The following AIPL1 variants were observed in gnomAD, a reference collection of about 807,000 sequenced individuals.
The protein encoded by AIPL1 is aryl-hydrocarbon-interacting protein-like 1.
AIPL1 carries 23 observed loss-of-function variants against 32.9 expected under a neutral mutation model. That is an observed-to-expected ratio of 0.70 (90% confidence interval 0.50 to 0.99). The LOEUF (loss-of-function observed/expected upper bound fraction) is 0.99, where lower values mean the gene tolerates loss of function less well. AIPL1 is among the 50% of genes least tolerant of loss of function. The pLI is 0.00. For missense variants in AIPL1, 485 were observed against 506.0 expected, an observed-to-expected ratio of 0.96 and a Z score of 0.40; for synonymous variants, 210 against 209.4, an observed-to-expected ratio of 1.00 and a Z score of -0.02.
intron 2 of AIPL1, among the ~76,000 whole-genome samples, chr17:6,430,047 GTGTGT>G (rs1912424665): frequency 0.026 from 297 of 11,328 alleles, no homozygotes; most frequent in Admixed American, 0.066. Flanking sequence ...TAGAAGGGGT[GTGTGT>G]GTGTGTGTGT....
intron 5 of AIPL1, chr17:6,426,279 G>A (rs1172141480): frequency 3.8e-6 from 5 of 1,317,858 alleles, no homozygotes; most frequent in Non-Finnish European, 4.9e-6. Context: ...CCATATCCTC[G>A]CAACACCAGT....
intron 3 of AIPL1, among the ~76,000 whole-genome samples, chr17:6,428,011 G>A (rs1327322174): frequency 1.3e-5 from 2 of 152,046 alleles, no homozygotes; most frequent in Admixed American, 1.3e-4. Context: ...ATAGAGACGG[G>A]GTTTTACCAT....
intron 3 of AIPL1, among the ~76,000 whole-genome samples, chr17:6,427,980 CG>C (rs1348542294): frequency 1.3e-5 from 2 of 152,002 alleles, no homozygotes; most frequent in Non-Finnish European, 2.9e-5. Flanking sequence ...CCACCACACC[CG>C]GTTAATTTTT....
chr17:6,429,406 G>C (rs574886838), intron 2 of AIPL1, among the ~76,000 whole-genome samples: 1 of 152,178 alleles, frequency 6.6e-6, no homozygotes, highest in Non-Finnish European at 1.5e-5. Context: ...CACCCTGCCC[G>C]CCCCACCGGC....
At chr17:6,430,456 CAAAAAAAA>C (rs1169701817) in intron 2 of AIPL1, among the ~76,000 whole-genome samples, 1 of 44,514 alleles carries the variant, frequency 2.2e-5, no homozygotes, top group Non-Finnish European at 4.0e-5. Flanking sequence ...AAGTCCGTCT[CAAAAAAAA>C]AAAAAAAAAA....
chr17:6,426,862 C>T lies in AIPL1; in HGVS notation c.642+19G>A, dbSNP rs973387886. ...CCAGAGTCAGCGCCACTTCCCACCC[C>T]TGGCCAGCGGCCTCTGACCTTGGTC... On this transcript the variant is annotated intron_variant, in intron 4 of 5. Coordinates refer to ENST00000381129, the MANE Select transcript of AIPL1 (RefSeq NM_014336.5). 1.1e-5 allele frequency: 18 copies of T among 1,613,850 alleles called. No individual in the cohort carries two copies. Among genetic ancestry groups the T allele is most frequent in the Non-Finnish European group, 1.4e-5 (17 of 1,180,034 alleles).
chr17:6,429,405 C>G (rs755708656), intron 2 of AIPL1, among the ~76,000 whole-genome samples: 30 of 152,306 alleles, frequency 2.0e-4, no homozygotes, highest in Non-Finnish European at 4.3e-4. Flanking sequence ...TCACCCTGCC[C>G]GCCCCACCGG....
chr17:6,433,860 C>A, intron 2 of AIPL1, 59 bp downstream of exon 2: 2 of 1,586,554 alleles, frequency 1.3e-6, no homozygotes, highest in East Asian at 2.3e-5. Context: ...CCCCGCAAAG[C>A]GGGTGGGTGA....
chr17:6,432,704 C>G, intron 2 of AIPL1, among the ~76,000 whole-genome samples: 1 of 151,482 alleles, frequency 6.6e-6, no homozygotes, highest in Non-Finnish European at 1.5e-5. Context: ...GATCTTAGCT[C>G]ACTGCAACCT....
intron 5 of AIPL1, chr17:6,426,182 G>A (rs1911930291): frequency 7.8e-6 from 10 of 1,280,858 alleles, no homozygotes; most frequent in Non-Finnish European, 9.9e-6. Context: ...AAACGCAGAC[G>A]ACGTGTGCCT....
At chr17:6,433,319 G>A (rs370541078) in intron 2 of AIPL1, among the ~76,000 whole-genome samples, 10 of 152,256 alleles carry the variant, frequency 6.6e-5, no homozygotes, top group East Asian at 3.9e-4. Context: ...GGACTTAGCC[G>A]GGCAAGATGG....
chr17:6,433,699 T>C (rs1912856581), intron 2 of AIPL1, among the ~76,000 whole-genome samples: 1 of 151,170 alleles, frequency 6.6e-6, no homozygotes, highest in South Asian at 2.1e-4. Flanking sequence ...CTGCTGGTCA[T>C]AGCCCTGCTC....
At chr17:6,432,680 G>A (rs565916796) in intron 2 of AIPL1, among the ~76,000 whole-genome samples, 1 of 151,448 alleles carries the variant, frequency 6.6e-6, no homozygotes, top group East Asian at 1.9e-4. Context: ...CGCCAGACTG[G>A]AGTTCAGTGG....
chr17:6,426,376 C>T (rs1358063107), intron 5 of AIPL1: 2 of 1,422,552 alleles, frequency 1.4e-6, no homozygotes. Flanking sequence ...AAATCACAAG[C>T]TTGGCGAGCT....
intron 2 of AIPL1, among the ~76,000 whole-genome samples, chr17:6,430,378 C>T (rs1029072003): frequency 6.9e-6 from 1 of 145,604 alleles, no homozygotes; most frequent in Non-Finnish European, 1.5e-5. Context: ...ATCGCTTGAA[C>T]CCGGGAGGCA....
In AIPL1 at chr17:6,433,854, G is replaced by A. The variant is rs975205884; in HGVS notation, c.276+65C>T. ...AGCTTTCCCGAAACACAGCAGCCCC[G>A]CAAAGCGGGTGGGTGAGCCCAGAAA... On this transcript the variant is annotated intron_variant, in intron 2 of 5. Transcript: ENST00000381129. The A allele has an allele frequency of 1.0e-5, 16 of 1,564,186 alleles. 1 individual carries two copies. Among genetic ancestry groups the A allele is most frequent in the Admixed American group, 7.3e-5 (4 of 54,866 alleles).
In AIPL1 at chr17:6,428,497, C is replaced by A. The variant is rs62619924; in HGVS notation, c.286G>T (p.Val96Phe). Residue 96 changes from valine (V) to phenylalanine (F), a missense_variant, in exon 3 of 6, where the codon GTC (valine) becomes TTC (phenylalanine). Coordinates refer to ENST00000381129, the MANE Select transcript of AIPL1 (RefSeq NM_014336.5). ...EFWCDTIHTG[V>F]YPILSRSLRQ... is the part of the protein sequence containing the mutation. ...AGGCTCCGGGATAGGATGGGGTAGA[C>A]CCCCGTGTGCTGTGGGGATAAACGG... The A allele has an allele frequency of 6.2e-7, 1 of 1,613,448 alleles. No homozygotes were observed. The highest frequency in any genetic ancestry group is 2.2e-5 in the East Asian group (1 of 44,884).
chr17:6,433,828 C>T, intron 2 of AIPL1, 91 bp downstream of exon 2: 2 of 1,484,522 alleles, frequency 1.3e-6, no homozygotes, highest in Non-Finnish European at 1.8e-6. Flanking sequence ...GCTTGAGTCC[C>T]AGCTTTCCCG....
In AIPL1 at chr17:6,425,127, C is replaced by T. The variant is rs1242693769; in HGVS notation, c.*333G>A. 8.8e-6 allele frequency: 2 copies of T among 226,634 alleles called. No individual in the cohort carries two copies. Among genetic ancestry groups the T allele is most frequent in the African/African-American group, 4.5e-5 (2 of 43,974 alleles). 14.0% of individuals were successfully genotyped at this position (226,634 alleles called of 1,614,324 possible). A position where few individuals can be genotyped will look rare whatever the true frequency, so the allele number is the denominator to read the frequency against. ...ATGAGAAAGGATCAGAGCATCAAAT[C>T]CTCATTTGTCATTGACATGGGGTAA... On this transcript the variant is annotated 3_prime_UTR_variant, in exon 6 of 6. Transcript: ENST00000381129.
Sources: gnomAD v4.1 joint callset for allele counts (sites outside exome capture counted in the v4.1 genomes callset) on GRCh38, gnomAD v4.1.1 for gene constraint, MANE v1.5 for transcripts, NCBI Gene and HGNC (gene_info 2026-07-23, HGNC 2026-07-21) for gene names.